Variants in MICU2 observed in about 807,000 individuals in gnomAD.
MICU2 encodes the protein calcium uptake protein 2, mitochondrial.
In MICU2, 64 loss-of-function variants were observed where a neutral mutation model predicts 60.4. That is an observed-to-expected ratio of 1.06 (90% CI 0.87 to 1.31). The LOEUF (loss-of-function observed/expected upper bound fraction) is 1.31. Among genes scored for constraint, MICU2 ranks in the 50% most tolerant of loss-of-function variants. The pLI is 0.00. For synonymous variants in MICU2, 201 were observed against 175.0 expected (o/e 1.15, Z -1.17); for missense variants, 569 against 531.0 (o/e 1.07, Z -0.70).
At chr13:21,528,682 A>G (rs1415004111) in intron 4 of MICU2, among the ~76,000 whole-genome samples, 3 of 152,264 alleles carry the variant, frequency 2.0e-5, no homozygotes, top group African/African-American at 7.2e-5. Context: ...GTTTACAAAG[A>G]AAAGGGCCTT....
chr13:21,554,460 A>G (rs1225568855), intron 2 of MICU2, among the ~76,000 whole-genome samples: 10 of 152,242 alleles, frequency 6.6e-5, no homozygotes, highest in Admixed American at 6.5e-4. Context: ...TGAAGGCAGA[A>G]ATAAAGAGGT....
intron 1 of MICU2, among the ~76,000 whole-genome samples, chr13:21,601,424 T>C (rs894549912): frequency 2.6e-5 from 4 of 152,196 alleles, no homozygotes; most frequent in African/African-American, 9.7e-5. Context: ...CTCGGTCCAA[T>C]AGCAGATCAG....
At position 21,604,083 on chromosome 13, in the gene MICU2, G is replaced by C. The variant is rs750760957; in HGVS notation, c.66C>G (p.Leu22=). ...TCCGCACAGCCTGTCGGCTGACAGC[G>C]AGCCCCCGTCGCAGTTTTCCGCCCC... The part of the protein sequence containing the change: ...AAWGGKLRRG[L]AVSRQAVRSP... Residue 22 remains leucine, a synonymous_variant, in exon 1 of 12, where the codon CTC becomes CTG. Transcript: ENST00000382374. 4 of 1,597,368 alleles carry C rather than the reference G, an allele frequency of 2.5e-6. No homozygotes were observed. The Middle Eastern group carries it at 6.7e-4, about 267-fold the overall frequency.
At chr13:21,542,391 T>C (rs958646253) in intron 2 of MICU2, among the ~76,000 whole-genome samples, 8 of 152,202 alleles carry the variant, frequency 5.3e-5, no homozygotes, top group African/African-American at 1.9e-4. Flanking sequence ...TGGCAAATAA[T>C]CTAATTTTTC....
chr13:21,503,875 T>G (rs1296973696), intron 8 of MICU2, among the ~76,000 whole-genome samples: 1 of 152,214 alleles, frequency 6.6e-6, no homozygotes. Context: ...TGTGAAAAGA[T>G]CGGTACTATC....
At chr13:21,558,269 T>A (rs749017861) in intron 2 of MICU2, among the ~76,000 whole-genome samples, 1 of 152,158 alleles carries the variant, frequency 6.6e-6, no homozygotes, top group Non-Finnish European at 1.5e-5. Context: ...GAGAGTAATT[T>A]GGGCAGCACT....
intron 2 of MICU2, among the ~76,000 whole-genome samples, chr13:21,543,389 T>C (rs1887329963): frequency 1.3e-5 from 2 of 152,206 alleles, no homozygotes; most frequent in African/African-American, 4.8e-5. Flanking sequence ...AAACTGTTCC[T>C]ATTTGCAGAC....
chr13:21,523,201 G>A (rs1886763159), intron 4 of MICU2, among the ~76,000 whole-genome samples: 1 of 152,166 alleles, frequency 6.6e-6, no homozygotes, highest in Non-Finnish European at 1.5e-5. Flanking sequence ...TCTACAGCTT[G>A]CAGATGGCAG....
intron 1 of MICU2, among the ~76,000 whole-genome samples, chr13:21,572,786 C>A (rs953167690): frequency 6.6e-6 from 1 of 152,148 alleles, no homozygotes; most frequent in African/African-American, 2.4e-5. Flanking sequence ...GTAGACACAG[C>A]TGCAATTGCC....
Position 21,501,120 on chromosome 13 carries a change from T to C in MICU2, c.933+1806A>G, listed in dbSNP as rs567466332. 3.9e-5 allele frequency among the ~76,000 whole-genome samples: 6 copies of C among 152,332 alleles called. No individual in the cohort carries two copies. The South Asian group carries it at 1.2e-3, about 32-fold the overall frequency. On this transcript the variant is annotated intron_variant, in intron 9 of 11. Coordinates refer to ENST00000382374, the MANE Select transcript of MICU2 (RefSeq NM_152726.3). ...ATTAATAATTCTTTTACCCAACTAA[T>C]TTAAAATACTATTTCATAATTACTA...
chr13:21,544,532 A>AAAAAAAAAAAAAAAAAAC (rs560934524), intron 2 of MICU2, among the ~76,000 whole-genome samples: 1 of 132,510 alleles, frequency 7.5e-6, no homozygotes, highest in Non-Finnish European at 1.6e-5. Flanking sequence ...AAAAAAAAAA[A>AAAAAAAAAAAAAAAAAAC]AACTCAATAC....
chr13:21,531,922 A>T (rs1371873301), intron 4 of MICU2, among the ~76,000 whole-genome samples: 1 of 152,210 alleles, frequency 6.6e-6, no homozygotes, highest in Admixed American at 6.5e-5. Flanking sequence ...CCCTTATGGC[A>T]CAGAGGCAGC....
intron 6 of MICU2, chr13:21,515,507 T>C (rs774575936): frequency 2.3e-6 from 1 of 426,916 alleles, no homozygotes; most frequent in South Asian, 1.7e-5. Flanking sequence ...AATAGTACTT[T>C]GAAATTGAGT....
At chr13:21,499,536 G>A (rs750589340) in intron 9 of MICU2, among the ~76,000 whole-genome samples, 11 of 151,312 alleles carry the variant, frequency 7.3e-5, no homozygotes, top group East Asian at 2.0e-4. Flanking sequence ...TCTGCCTCCC[G>A]AGTAGCTGGG....
At chr13:21,500,436 T>G (rs773564750) in intron 9 of MICU2, among the ~76,000 whole-genome samples, 7,322 of 147,962 alleles carry the variant, frequency 0.049, 293 homozygotes, top group African/African-American at 0.12. Context: ...TTTTTTTTTT[T>G]TTTTTTTTTT....
Position 21,603,872 on chromosome 13 carries a change from C to T in MICU2, c.210+67G>A, listed in dbSNP as rs1346419334. On this transcript the variant is annotated intron_variant, in intron 1 of 11. Coordinates refer to ENST00000382374, the MANE Select transcript of MICU2 (RefSeq NM_152726.3). ...GAGAGCCGCCCAGAGCCAAACCACTCCCCGCCTAAGGGCGTCAGGGGAGGG... is the reference window on the plus strand; with the variant it reads ...GAGAGCCGCCCAGAGCCAAACCACTTCCCGCCTAAGGGCGTCAGGGGAGGG... The T allele has an allele frequency of 4.5e-6, 7 of 1,564,840 alleles. No homozygotes were observed. The African/African-American group carries it at 5.5e-5, about 12-fold the overall frequency.
chr13:21,553,431 CCTGCCTGACTGCCCTGG>C (rs1317896260), intron 2 of MICU2, among the ~76,000 whole-genome samples: 1 of 152,108 alleles, frequency 6.6e-6, no homozygotes, highest in East Asian at 1.9e-4. Context: ...CCTTCCTTCT[CCTGCCTGACTGCCCTGG>C]CCAGAACTTG....
intron 2 of MICU2, among the ~76,000 whole-genome samples, chr13:21,542,954 C>T (rs576892440): frequency 1.3e-5 from 2 of 152,186 alleles, no homozygotes; most frequent in Admixed American, 1.3e-4. Flanking sequence ...ACAACACCAG[C>T]ACTACATAAC....
chr13:21,537,770 G>A (rs1340824164), intron 4 of MICU2, among the ~76,000 whole-genome samples: 2 of 151,998 alleles, frequency 1.3e-5, no homozygotes, highest in African/African-American at 2.4e-5. Context: ...GTGAGCCACC[G>A]CACCTCACCC....
Sources: gnomAD v4.1 joint callset for allele counts (sites outside exome capture counted in the v4.1 genomes callset) on GRCh38, gnomAD v4.1.1 for gene constraint, MANE v1.5 for transcripts, NCBI Gene and HGNC (gene_info 2026-07-23, HGNC 2026-07-21) for gene names.